Variants in C8B observed in about 807,000 individuals in gnomAD.
C8B encodes the protein complement component C8 beta chain.
C8B carries 67 observed loss-of-function variants against 64.6 expected under a neutral mutation model. The ratio of observed to expected loss-of-function variants is 1.04; its 90% CI spans 0.85 to 1.27. The LOEUF (loss-of-function observed/expected upper bound fraction) is 1.27, where lower values mean the gene tolerates loss of function less well. C8B is among the 50% of genes most tolerant of loss of function. C8B has a pLI of 0.00. For missense variants in C8B, 790 were observed against 725.2 expected, an observed-to-expected ratio of 1.09 and a Z score of -1.03; for synonymous variants, 284 against 257.7, an observed-to-expected ratio of 1.10 and a Z score of -0.98.
chr1:56,940,322 C>T (rs564224917), intron 9 of C8B, among the ~76,000 whole-genome samples: 1 of 151,822 alleles, frequency 6.6e-6, no homozygotes, highest in African/African-American at 2.4e-5. Context: ...AATCCCAGCA[C>T]TTTGGGAGGC....
intron 10 of C8B, among the ~76,000 whole-genome samples, chr1:56,932,908 C>T (rs1019672777): frequency 6.6e-6 from 1 of 152,088 alleles, no homozygotes; most frequent in African/African-American, 2.4e-5. Context: ...AGATCCCAGG[C>T]TCTCACCCCT....
At position 56,959,891 on chromosome 1, in the gene C8B, A is replaced by G. The variant is rs1645152623; in HGVS notation, c.249+129T>C. The stretch of plus-strand genomic sequence containing the variant: ...TTGGAAGCACAGAAGGAAAGGATGC[A>G]TTTATTAAGTTAGCCGACATTTATT... On this transcript the variant is annotated intron_variant, in intron 2 of 11. Transcript: ENST00000371237. 7.8e-6 allele frequency: 8 copies of G among 1,019,804 alleles called. No individual in the cohort carries two copies. In the Admixed American group the frequency reaches 1.5e-4, roughly 20 times the overall value. The allele number at this position is 1,019,804 out of a possible 1,614,324, so 63.2% of individuals were successfully genotyped here. A position where few individuals can be genotyped will look rare whatever the true frequency, so the allele number is the denominator to read the frequency against.
intron 10 of C8B, among the ~76,000 whole-genome samples, chr1:56,932,554 C>T (rs1384675130): frequency 1.3e-5 from 2 of 152,142 alleles, no homozygotes; most frequent in African/African-American, 2.4e-5. Context: ...GAGCTGACCC[C>T]ACTTGCTGCA....
chr1:56,965,921 T>C lies in C8B; in HGVS notation c.28A>G (p.Arg10Gly). 1.2e-6 allele frequency: 2 copies of C among 1,613,838 alleles called. No homozygotes were observed. Among genetic ancestry groups the C allele is most frequent in the Non-Finnish European group, 1.7e-6 (2 of 1,179,960 alleles). The change falls in exon 1 of 12, where the codon AGG becomes GGG. Residue 10 changes from arginine to glycine, a missense_variant. Coordinates refer to ENST00000371237, the MANE Select transcript of C8B (RefSeq NM_000066.4). The stretch of plus-strand genomic sequence containing the variant: ...AGAAGAAATAGCTCCACCGGCGCCC[T>C]CCAAGCCCATGTCCTGGAATTCTTC... MKNSRTWAW[R>G]APVELFLLCA...
intron 1 of C8B, 55 bp from the exon 2 acceptor site, chr1:56,960,231 A>C: frequency 6.8e-7 from 1 of 1,481,378 alleles, no homozygotes; most frequent in Non-Finnish European, 9.4e-7. Flanking sequence ...TTAAGTATAC[A>C]TCCAACCATC....
At chr1:56,955,467 A>T (rs532170447) in intron 3 of C8B, among the ~76,000 whole-genome samples, 1 of 152,152 alleles carries the variant, frequency 6.6e-6, no homozygotes, top group Non-Finnish European at 1.5e-5. Context: ...TTTCCTCCTG[A>T]TTGATTTCCT....
rs554183333 is a variant in C8B at position 56,939,998 on chromosome 1, G to A, written c.1398+851C>T. Among the ~76,000 whole-genome samples the A allele has an allele frequency of 1.0e-4, 14 of 136,078 alleles. No homozygotes were observed. The South Asian group carries it at 3.6e-3, about 35-fold the overall frequency. The allele number at this position is 136,078 out of a possible 152,430, so 89.3% of individuals were successfully genotyped here. A position where few individuals can be genotyped will look rare whatever the true frequency, so the allele number is the denominator to read the frequency against. The stretch of plus-strand genomic sequence containing the variant: ...GACATGTTAGTTGTTGTGATGTCTT[G>A]TCCTGTAAGATAGTTACGTGTGTGT... On this transcript the variant is annotated intron_variant, in intron 9 of 11. Coordinates refer to ENST00000371237, the MANE Select transcript of C8B (RefSeq NM_000066.4).
At chr1:56,952,524 C>T (rs1238832417) in intron 4 of C8B, among the ~76,000 whole-genome samples, 1 of 152,166 alleles carries the variant, frequency 6.6e-6, no homozygotes, top group East Asian at 1.9e-4. Flanking sequence ...GTGAGAGGTT[C>T]CACTGACACT....
At chr1:56,948,137 A>AAGGGAGAG (rs1644970124) in intron 6 of C8B, among the ~76,000 whole-genome samples, 1 of 152,158 alleles carries the variant, frequency 6.6e-6, no homozygotes, top group Non-Finnish European at 1.5e-5. Context: ...AGGGAGCTGG[A>AAGGGAGAG]AGGGAGAGAA....
intron 9 of C8B, among the ~76,000 whole-genome samples, chr1:56,936,276 T>C (rs1055248267): frequency 1.3e-5 from 2 of 152,228 alleles, no homozygotes; most frequent in African/African-American, 4.8e-5. Context: ...CCCATTCTAT[T>C]TGACAAAAAT....
chr1:56,951,288 T>G (rs1222151025), intron 5 of C8B, among the ~76,000 whole-genome samples: 1 of 152,096 alleles, frequency 6.6e-6, no homozygotes, highest in Non-Finnish European at 1.5e-5. Flanking sequence ...CGTCAAGATC[T>G]TCTAGTCTCG....
chr1:56,964,031 G>A (rs1394545612), intron 1 of C8B: 2 of 984,672 alleles, frequency 2.0e-6, no homozygotes, highest in East Asian at 1.1e-4. Context: ...GATTATAGGT[G>A]GATGTCAGAA....
Position 56,940,892 on chromosome 1 carries a change from C to G in C8B, c.1355G>C (p.Trp452Ser), listed in dbSNP as rs200077558. ...ELPTADLMQE[W>S]GDAVQYNPAI... ...TGGGTTGTACTGCACAGCGTCTCCCCACTCCTGCATCAGGTCCGCCGTCGG... is the reference window on the plus strand; with the variant it reads ...TGGGTTGTACTGCACAGCGTCTCCCGACTCCTGCATCAGGTCCGCCGTCGG... Residue 452 changes from tryptophan (W) to serine (S), a missense_variant, in exon 9 of 12, where the codon TGG (tryptophan) becomes TCG (serine). Physicochemically the swap from Trp to Ser is radical, Grantham distance 177. Transcript: ENST00000371237. 312 of 1,614,028 alleles carry G rather than the reference C, an allele frequency of 1.9e-4. 3 individuals carry two copies. In the East Asian group the frequency reaches 6.1e-3, roughly 32 times the overall value.
chr1:56,936,220 A>G (rs1460053251), intron 9 of C8B, among the ~76,000 whole-genome samples: 1 of 152,240 alleles, frequency 6.6e-6, no homozygotes, highest in East Asian at 1.9e-4. Flanking sequence ...TGTTCTGAAT[A>G]TATCTGCTTA....
intron 3 of C8B, 127 bp from the exon 4 acceptor site, chr1:56,954,954 A>G (rs41452950): frequency 0.052 from 54,670 of 1,056,152 alleles, 1,696 homozygotes; most frequent in Middle Eastern, 0.093. Context: ...TTAATTAGTC[A>G]TCCTGTATCC....
At chr1:56,965,378 T>TGAGA (rs113817142) in intron 1 of C8B, among the ~76,000 whole-genome samples, 12,055 of 131,870 alleles carry the variant, frequency 0.091, 827 homozygotes, top group East Asian at 0.37. Flanking sequence ...TTGTGGGGGG[T>TGAGA]GAGAGAGAGA....
Position 56,941,103 on chromosome 1 carries a change from T to C in C8B, c.1235-91A>G. On this transcript the variant is annotated intron_variant, in intron 8 of 11. Coordinates refer to ENST00000371237, the MANE Select transcript of C8B (RefSeq NM_000066.4). ...CCCAACCAACAATTTGGGTACACCA[T>C]ATTCACTGAACTTGTCTGAGAGATG... The C allele has an allele frequency of 2.9e-6, 4 of 1,394,738 alleles. No individual in the cohort carries two copies. In the South Asian group the frequency reaches 4.9e-5, roughly 17 times the overall value. The allele number at this position is 1,394,738 out of a possible 1,614,324, so 86.4% of individuals were successfully genotyped here.
chr1:56,929,792 C>T (rs1009793517), intron 11 of C8B, among the ~76,000 whole-genome samples: 1 of 152,162 alleles, frequency 6.6e-6, no homozygotes. Context: ...CCTGGTCAAT[C>T]CAATTCACCC....
chr1:56,960,302 C>G, intron 1 of C8B, 126 bp from the exon 2 acceptor site: 3 of 811,276 alleles, frequency 3.7e-6, no homozygotes, highest in South Asian at 1.4e-5. Context: ...GTTTATCATT[C>G]CAGGATAACC....
Sources: gnomAD v4.1 joint callset for allele counts (sites outside exome capture counted in the v4.1 genomes callset) on GRCh38, gnomAD v4.1.1 for gene constraint, MANE v1.5 for transcripts, NCBI Gene and HGNC (gene_info 2026-07-23, HGNC 2026-07-21) for gene names.